The following FA2H variants were observed in gnomAD, a reference collection of about 807,000 sequenced individuals.
The protein encoded by FA2H is fatty acid 2-hydroxylase.
Under a neutral mutation model 44.9 loss-of-function variants are expected in FA2H, and 22 were observed. The ratio of observed to expected loss-of-function variants is 0.49; its 90% confidence interval spans 0.35 to 0.70. FA2H has a LOEUF of 0.70. Ranked by LOEUF, FA2H falls within the 30% of genes least tolerant of loss-of-function variation. The pLI is 0.01. For missense variants in FA2H, 501 were observed against 504.9 expected (o/e 0.99, Z 0.07); for synonymous variants, 243 against 213.2 (o/e 1.14, Z -1.22).
At chr16:74,755,500 A>G (rs753520037) in intron 1 of FA2H, among the ~76,000 whole-genome samples, 42 of 152,192 alleles carry the variant, frequency 2.8e-4, no homozygotes, top group Non-Finnish European at 4.4e-4. Context: ...GGCCAACATA[A>G]TATCACTGGA....
chr16:74,750,791 T>TGTGTGTGTGTG (rs1597564103), intron 1 of FA2H, among the ~76,000 whole-genome samples: 1 of 22,584 alleles, frequency 4.4e-5, no homozygotes, highest in African/African-American at 2.5e-4. Context: ...GTGTGTGTGT[T>TGTGTGTGTGTG]TAAGAGACAG....
In FA2H at chr16:74,743,262, G is replaced by C. The variant is rs943627319; in HGVS notation, c.271-3147C>G. Among the ~76,000 whole-genome samples the C allele has an allele frequency of 5.9e-5, 9 of 152,210 alleles. No homozygotes were observed. In the East Asian group the frequency reaches 1.7e-3, roughly 29 times the overall value. On this transcript the variant is annotated intron_variant, in intron 1 of 6. Coordinates refer to ENST00000219368, the MANE Select transcript of FA2H (RefSeq NM_024306.5). ...GCTCAAGCTGGTTGATGTGGGGCTC[G>C]ATGATCTATCTGTAACAGGAAGTAA...
chr16:74,764,579 G>A (rs563389673), intron 1 of FA2H, among the ~76,000 whole-genome samples: 3 of 152,310 alleles, frequency 2.0e-5, no homozygotes, highest in Non-Finnish European at 4.4e-5. Context: ...CGAGGGTGCA[G>A]GATAGGAGGA....
chr16:74,731,848 C>T (rs1344754898), intron 2 of FA2H, among the ~76,000 whole-genome samples: 2 of 152,064 alleles, frequency 1.3e-5, no homozygotes, highest in South Asian at 2.1e-4. Flanking sequence ...AGCTTACGAC[C>T]ATCTCTCTCA....
In FA2H at chr16:74,740,015, C is replaced by T. The variant is rs1483927178; in HGVS notation, c.363+8G>A. On this transcript the variant is annotated splice_region_variant and intron_variant, in intron 2 of 6. Transcript: ENST00000219368. ...AGTCATCACCCCACTCCATCCTATG[C>T]CAGGTACCTTGTCCCAATCCACCAC... 2 of 1,606,128 alleles carry T rather than the reference C, an allele frequency of 1.2e-6. No homozygotes were observed. The highest frequency in any genetic ancestry group is 2.2e-5 in the East Asian group (1 of 44,818).
rs794729214 is a variant in FA2H at position 74,774,586 on chromosome 16, T to TCCTGGCCCGC, written c.160_169dup (p.Asp57GlyfsTer48). 1.3e-6 allele frequency: 2 copies of TCCTGGCCCGC among 1,534,250 alleles called. No homozygotes were observed. The highest frequency in any genetic ancestry group is 1.9e-5 in the Admixed American group (1 of 51,596). ...CGGCCCGTCCAGGTCGGCGCTGATG[T>TCCTGGCCCGC]CCTGGCCCGCCCTGGCCCGCAGCAG... On this transcript the variant is annotated frameshift_variant, in exon 1 of 7. Coordinates refer to ENST00000219368, the MANE Select transcript of FA2H (RefSeq NM_024306.5). LOFTEE classifies it high-confidence loss of function.
chr16:74,721,256 C>T (rs571351927), intron 4 of FA2H, among the ~76,000 whole-genome samples: 1 of 152,246 alleles, frequency 6.6e-6, no homozygotes, highest in South Asian at 2.1e-4. Flanking sequence ...CAGCCTCCAC[C>T]TCACGGGTTC....
chr16:74,745,513 C>G (rs1459619567), intron 1 of FA2H, among the ~76,000 whole-genome samples: 4 of 152,214 alleles, frequency 2.6e-5, no homozygotes, highest in African/African-American at 4.8e-5. Flanking sequence ...AGGATGGGCA[C>G]AAGCAATGGC....
At chr16:74,754,806 G>A (rs564588441) in intron 1 of FA2H, among the ~76,000 whole-genome samples, 7 of 151,854 alleles carry the variant, frequency 4.6e-5, no homozygotes, top group African/African-American at 1.7e-4. Flanking sequence ...GGGATTACAT[G>A]CCTGAGCCAC....
chr16:74,769,766 G>C (rs11643413), intron 1 of FA2H, among the ~76,000 whole-genome samples: 45,004 of 152,106 alleles, frequency 0.3, 7,068 homozygotes, highest in East Asian at 0.57. Flanking sequence ...TGTGGCTGCA[G>C]CTGGCAGAGC....
chr16:74,751,219 C>T (rs1008644945), intron 1 of FA2H, among the ~76,000 whole-genome samples: 3 of 151,948 alleles, frequency 2.0e-5, no homozygotes, highest in African/African-American at 7.3e-5. Context: ...CTCAGCCTCC[C>T]GAGTAGCTGG....
At chr16:74,719,360 T>C (rs765930582) in intron 4 of FA2H, among the ~76,000 whole-genome samples, 200 bp from the exon 5 acceptor site, 2 of 152,138 alleles carry the variant, frequency 1.3e-5, no homozygotes, top group South Asian at 4.1e-4. Context: ...TGGGAAGTCC[T>C]TTACAGGAGT....
At chr16:74,756,820 T>C (rs1160902084) in intron 1 of FA2H, among the ~76,000 whole-genome samples, 1 of 152,028 alleles carries the variant, frequency 6.6e-6, no homozygotes, top group African/African-American at 2.4e-5. Flanking sequence ...AAACCTAAAA[T>C]AATACCTATT....
At position 74,720,139 on chromosome 16, in the gene FA2H, T is replaced by A. The variant is rs114170230; in HGVS notation, c.614-979A>T. 6.1e-3 allele frequency among the ~76,000 whole-genome samples: 912 copies of A among 149,736 alleles called. 14 individuals carry two copies. Among genetic ancestry groups the A allele is most frequent in the African/African-American group, 0.022 (878 of 40,540 alleles). ...TTCATTCTTTGACCTCATGGAGATT[T>A]CAGCTCTCATTCCTGTTTGCTCCAT... On this transcript the variant is annotated intron_variant, in intron 4 of 6. Transcript: ENST00000219368.
At chr16:74,718,249 A>G (rs1961750353) in intron 5 of FA2H, among the ~76,000 whole-genome samples, 1 of 152,170 alleles carries the variant, frequency 6.6e-6, no homozygotes, top group Admixed American at 6.5e-5. Flanking sequence ...TCCCGAAAGT[A>G]TCATATCTGC....
At chr16:74,741,067 A>G (rs1002937307) in intron 1 of FA2H, 2 of 152,284 alleles carry the variant, frequency 1.3e-5, no homozygotes, top group Admixed American at 6.5e-5. Flanking sequence ...TCAGAGGGAA[A>G]CGGGATGTGC....
In FA2H at chr16:74,720,981, C is replaced by A. The variant is rs554308077; in HGVS notation, c.614-1821G>T. On this transcript the variant is annotated intron_variant, in intron 4 of 6. Coordinates refer to ENST00000219368, the MANE Select transcript of FA2H (RefSeq NM_024306.5). ...ATCCATCAGTTGAGGGACACCTGGG[C>A]TGTTTGTAGCTCTTGGCTATTGTGA... 3.3e-5 allele frequency among the ~76,000 whole-genome samples: 5 copies of A among 152,324 alleles called. No homozygotes were observed. The South Asian group carries it at 1.0e-3, about 32-fold the overall frequency.
intron 4 of FA2H, chr16:74,725,923 T>C (rs1961943400): frequency 5.0e-6 from 2 of 401,570 alleles, no homozygotes; most frequent in Non-Finnish European, 9.5e-6. Flanking sequence ...TCATGTGTCT[T>C]TTGGTGTGAC....
chr16:74,715,388 C>G (rs1961671558), intron 6 of FA2H, among the ~76,000 whole-genome samples: 1 of 151,800 alleles, frequency 6.6e-6, no homozygotes, highest in South Asian at 2.1e-4. Flanking sequence ...AACTCCTGGG[C>G]TCAAATGATC....
Sources: gnomAD v4.1 joint callset for allele counts (sites outside exome capture counted in the v4.1 genomes callset) on GRCh38, gnomAD v4.1.1 for gene constraint, MANE v1.5 for transcripts, NCBI Gene and HGNC (gene_info 2026-07-23, HGNC 2026-07-21) for gene names.